RIPOR3: variants seen among roughly 807,000 people sequenced by gnomAD.
RIPOR3 encodes family with sequence similarity 65 member C.
Under a neutral mutation model 114.3 loss-of-function variants are expected in RIPOR3, and 95 were observed. The observed-to-expected ratio is 0.83, with a 90% confidence interval of 0.70 to 0.99. The LOEUF (loss-of-function observed/expected upper bound fraction) is 0.99. Among genes scored for constraint, RIPOR3 ranks in the 50% least tolerant of loss-of-function variants. RIPOR3 has a pLI of 0.00. For synonymous variants in RIPOR3, 575 were observed against 543.8 expected (o/e 1.06, Z -0.80); for missense variants, 1,252 against 1,266.9 (o/e 0.99, Z 0.18).
Position 50,602,859 on chromosome 20 carries a change from C to T in RIPOR3, c.1087-215G>A, listed in dbSNP as rs568434137. On this transcript the variant is annotated intron_variant, in intron 12 of 21. Coordinates refer to ENST00000327979, the MANE Select transcript of RIPOR3 (RefSeq NM_001290268.2). This position sits in a 1 kb window ranked among gnomAD's most constrained non-coding sequence, Gnocchi z 4.3. ...CCCGCCTCCAACTCACTCCCCCCAA[C>T]CTCAACAGCCTCCTGGCTATTGCTC... Among the ~76,000 whole-genome samples the T allele has an allele frequency of 8.5e-5, 13 of 152,370 alleles. No individual in the cohort carries two copies. The highest frequency in any genetic ancestry group is 2.9e-4 in the African/African-American group (12 of 41,596).
intron 11 of RIPOR3, among the ~76,000 whole-genome samples, chr20:50,606,926 C>T (rs935624799): frequency 1.3e-5 from 2 of 152,242 alleles, no homozygotes; most frequent in South Asian, 2.1e-4. Context: ...GATGGGGTTT[C>T]GCCTTGTTGG....
At chr20:50,689,900 C>A (rs981070153) in intron 1 of RIPOR3, among the ~76,000 whole-genome samples, 2 of 152,158 alleles carry the variant, frequency 1.3e-5, no homozygotes, top group African/African-American at 4.8e-5. Flanking sequence ...AAAGAAAAGG[C>A]CACATCTGGG....
intron 1 of RIPOR3, among the ~76,000 whole-genome samples, chr20:50,647,937 T>C (rs2085470976): frequency 1.3e-5 from 2 of 152,080 alleles, no homozygotes; most frequent in South Asian, 4.2e-4. Flanking sequence ...AAACACAAAA[T>C]ATAATTTATA....
chr20:50,688,351 T>C (rs1046069258), intron 1 of RIPOR3, among the ~76,000 whole-genome samples: 4 of 152,068 alleles, frequency 2.6e-5, no homozygotes, highest in African/African-American at 4.8e-5. Flanking sequence ...AATGGGGTCT[T>C]GTTATGTTGC....
chr20:50,587,777 C>A, intron 21 of RIPOR3, 25 bp downstream of exon 21: 1 of 1,612,818 alleles, frequency 6.2e-7, no homozygotes, highest in Non-Finnish European at 8.5e-7. Flanking sequence ...CCCCGCTGCG[C>A]TGCACAGTTT....
intron 6 of RIPOR3, among the ~76,000 whole-genome samples, chr20:50,609,967 ACCTGCCACCCCTACCACC>A (rs2083895337): frequency 1.1e-5 from 1 of 94,848 alleles, no homozygotes; most frequent in African/African-American, 3.7e-5. Flanking sequence ...CCACTGCCTC[ACCTGCCACCCCTACCACC>A]CCTGCCTCAC....
chr20:50,612,129 A>C (rs2084000105), intron 4 of RIPOR3, among the ~76,000 whole-genome samples: 1 of 151,708 alleles, frequency 6.6e-6, no homozygotes, highest in Non-Finnish European at 1.5e-5. Flanking sequence ...CATCTCAAAA[A>C]AAAAAAAAAA....
chr20:50,605,008 GA>G (rs2123017317), intron 11 of RIPOR3, among the ~76,000 whole-genome samples: 1 of 152,284 alleles, frequency 6.6e-6, no homozygotes, highest in African/African-American at 2.4e-5. Flanking sequence ...CTGCATCCTT[GA>G]ACTCCTGGGT....
At position 50,593,089 on chromosome 20, in the gene RIPOR3, G is replaced by T. The variant is rs774872751; in HGVS notation, c.2320C>A (p.Gln774Lys). 1.2e-6 allele frequency: 2 copies of T among 1,614,126 alleles called. No individual in the cohort carries two copies. Among genetic ancestry groups the T allele is most frequent in the Non-Finnish European group, 1.7e-6 (2 of 1,180,046 alleles). The change falls in exon 18 of 22, where the codon CAG (glutamine) becomes AAG (lysine). Residue 774 changes from glutamine to lysine, a missense_variant. Gln to Lys is a moderately conservative substitution (Grantham distance 53). Transcript: ENST00000327979. Reference sequence around the variant, plus strand: ...TCCAGGTCAGAGACGCTCTGCCTCTGCAGGTAGCTGTGAAACTGGAACCAG... The same window carrying T: ...TCCAGGTCAGAGACGCTCTGCCTCTTCAGGTAGCTGTGAAACTGGAACCAG... ...ITWFQFHSYLQRQSVSDLEKH... is the reference protein window; with the variant it reads ...ITWFQFHSYLKRQSVSDLEKH...
rs2083529477 is a variant in RIPOR3, at chr20:50,602,318, A to G, written c.1413T>C (p.Pro471=). The change falls in exon 13 of 22, where the codon CCT becomes CCC. Residue 471 remains proline (P), a synonymous_variant. Coordinates refer to ENST00000327979, the MANE Select transcript of RIPOR3 (RefSeq NM_001290268.2). The surrounding 1 kb of genome is among the most constrained non-coding windows in gnomAD (Gnocchi z 4.3). The part of the protein sequence containing the change: ...HLSGGPFAEQ[P]GWRNLGGESP... ...TCTCCCCTCCTAAGTTCCTCCAGCC[A>G]GGCTGCTCTGCAAACGGGCCTCCAG... 2 of 1,613,830 alleles carry G rather than the reference A, an allele frequency of 1.2e-6. No homozygotes were observed. Among genetic ancestry groups the G allele is most frequent in the Non-Finnish European group, 1.7e-6 (2 of 1,179,988 alleles).
intron 3 of RIPOR3, among the ~76,000 whole-genome samples, chr20:50,619,332 T>C (rs1012409659): frequency 6.6e-6 from 1 of 150,476 alleles, no homozygotes; most frequent in African/African-American, 2.5e-5. Context: ...TCCCAGCTAG[T>C]TGGGAGGCTG....
chr20:50,625,877 C>T (rs560914567), intron 2 of RIPOR3, among the ~76,000 whole-genome samples: 3 of 152,210 alleles, frequency 2.0e-5, no homozygotes, highest in Non-Finnish European at 4.4e-5. Context: ...CAATCATTCA[C>T]ACCTTAGTAT....
intron 17 of RIPOR3, among the ~76,000 whole-genome samples, chr20:50,594,324 G>A (rs1601447989): frequency 6.6e-6 from 1 of 150,710 alleles, no homozygotes; most frequent in African/African-American, 2.4e-5. Flanking sequence ...TTTGCACGCA[G>A]CTTCAGGGCT....
intron 3 of RIPOR3, 152 bp from the exon 4 acceptor site, chr20:50,616,232 G>T: frequency 1.4e-6 from 1 of 698,704 alleles, no homozygotes; most frequent in East Asian, 2.8e-5. Flanking sequence ...TCACACTGGG[G>T]GCTGTGTGCC....
chr20:50,639,968 G>A (rs1247797580), intron 1 of RIPOR3, among the ~76,000 whole-genome samples: 1 of 151,632 alleles, frequency 6.6e-6, no homozygotes, highest in Non-Finnish European at 1.5e-5. Context: ...ACTGCCACAC[G>A]TCCCTGTGCT....
At chr20:50,664,543 G>C (rs1018553592) in intron 1 of RIPOR3, among the ~76,000 whole-genome samples, 1 of 152,216 alleles carries the variant, frequency 6.6e-6, no homozygotes, top group Non-Finnish European at 1.5e-5. Flanking sequence ...GATCCCACGG[G>C]AAAGGGGGCT....
chr20:50,592,623 C>T, intron 18 of RIPOR3, 77 bp from the exon 19 acceptor site: 1 of 1,280,962 alleles, frequency 7.8e-7, no homozygotes, highest in South Asian at 1.8e-5. Context: ...TGCTTGGCTG[C>T]TGCCAGTAGC....
intron 16 of RIPOR3, 144 bp from the exon 17 acceptor site, chr20:50,594,858 C>T (rs2083235533): frequency 1.1e-6 from 1 of 912,590 alleles, no homozygotes. Flanking sequence ...CCTGCATTCC[C>T]ATGTGACACG....
chr20:50,609,791 T>C, intron 6 of RIPOR3, 69 bp from the exon 7 acceptor site: 2 of 1,345,058 alleles, frequency 1.5e-6, no homozygotes, highest in Non-Finnish European at 1.9e-6. Flanking sequence ...CCTGTCGACT[T>C]CTCCTCTCTG....
Sources: allele counts gnomAD v4.1 joint callset (sites outside exome capture counted in the v4.1 genomes callset), GRCh38; gene constraint gnomAD v4.1.1; non-coding constraint Gnocchi (gnomAD v3.1); transcripts MANE v1.5; gene names NCBI Gene and HGNC (gene_info 2026-07-23, HGNC 2026-07-21).